The following ROBO2 variants were observed in gnomAD, a reference collection of about 807,000 sequenced individuals.
The protein encoded by ROBO2 is roundabout homolog 2.
Under a neutral mutation model 160.8 loss-of-function variants are expected in ROBO2, and 53 were observed. The observed-to-expected ratio is 0.33, with a 90% CI of 0.26 to 0.41. The LOEUF is 0.41. Among genes scored for constraint, ROBO2 ranks in the 10% least tolerant of loss-of-function variants. The pLI is 1.00. For missense variants in ROBO2, 1,577 were observed against 1,722.4 expected, an observed-to-expected ratio of 0.92 and a Z score of 1.49; for synonymous variants, 664 against 611.7, an observed-to-expected ratio of 1.09 and a Z score of -1.26.
At chr3:76,833,977 TTTTC>T (rs1188360843) in intron 2 of ROBO2, among the ~76,000 whole-genome samples, 13 of 109,230 alleles carry the variant, frequency 1.2e-4, no homozygotes, top group South Asian at 3.0e-4. Context: ...TTTCTCTTTC[TTTTC>T]TTTCTTTCTT....
At chr3:77,499,094 G>A (rs568088455) in intron 5 of ROBO2, among the ~76,000 whole-genome samples, 89 of 152,258 alleles carry the variant, frequency 5.8e-4, no homozygotes, top group Middle Eastern at 3.4e-3. Context: ...AATGACTGTG[G>A]GACCTTTTAA....
chr3:77,456,313 T>G (rs746362473), intron 2 of ROBO2, among the ~76,000 whole-genome samples: 1 of 152,220 alleles, frequency 6.6e-6, no homozygotes, highest in Middle Eastern at 3.2e-3. Flanking sequence ...ATTTATGTTT[T>G]GTTGGAGATA....
intron 2 of ROBO2, among the ~76,000 whole-genome samples, chr3:77,024,273 G>A (rs1168880547): frequency 6.6e-6 from 1 of 152,186 alleles, no homozygotes; most frequent in African/African-American, 2.4e-5. Context: ...GAGGACACAG[G>A]ATGGGTAAGT....
chr3:76,698,610 C>T (rs2092982794), intron 2 of ROBO2, among the ~76,000 whole-genome samples: 1 of 152,116 alleles, frequency 6.6e-6, no homozygotes, highest in African/African-American at 2.4e-5. Context: ...ACCATTTGAA[C>T]CCTGGTTGAA....
chr3:76,363,011 T>G (rs995244660), intron 2 of ROBO2, among the ~76,000 whole-genome samples: 4 of 152,098 alleles, frequency 2.6e-5, no homozygotes, highest in Non-Finnish European at 5.9e-5. Flanking sequence ...TTTTACAGCC[T>G]GCCATCTGAA....
intron 2 of ROBO2, among the ~76,000 whole-genome samples, chr3:76,516,636 TGAATTCTTTAAG>T (rs1050895311): frequency 6.7e-5 from 9 of 133,752 alleles, no homozygotes; most frequent in Non-Finnish European, 1.2e-4. Flanking sequence ...TCTAGGAAAA[TGAATTCTTTAAG>T]GAATCAAAAA....
intron 2 of ROBO2, among the ~76,000 whole-genome samples, chr3:77,323,691 C>G (rs914483154): frequency 6.6e-6 from 1 of 152,044 alleles, no homozygotes; most frequent in African/African-American, 2.4e-5. Context: ...AGATGAAACT[C>G]CTGAAAATGA....
intron 2 of ROBO2, among the ~76,000 whole-genome samples, chr3:76,130,523 C>G (rs774132760): frequency 6.6e-6 from 1 of 152,040 alleles, no homozygotes; most frequent in Non-Finnish European, 1.5e-5. Flanking sequence ...CGCATACACT[C>G]ACACACATAT....
At chr3:76,630,583 A>C (rs2089971415) in intron 2 of ROBO2, among the ~76,000 whole-genome samples, 1 of 152,156 alleles carries the variant, frequency 6.6e-6, no homozygotes, top group African/African-American at 2.4e-5. Context: ...GTTTCATTTA[A>C]GGTAGAAGTT....
intron 2 of ROBO2, among the ~76,000 whole-genome samples, chr3:77,207,572 T>A (rs114753556): frequency 6.6e-6 from 1 of 152,202 alleles, no homozygotes; most frequent in African/African-American, 2.4e-5. Flanking sequence ...CATTTTTAGA[T>A]AAAAGTTAAA....
rs557755531 is a variant in ROBO2 at position 77,429,708 on chromosome 3, G to A, written c.389-47706G>A. ...TCAGACCTAGAAAGTTGAAAAACAC[G>A]GTTGTGATCTTCCCTGTGATCACAA... is the stretch of plus-strand genomic sequence containing the variant. On this transcript the variant is annotated intron_variant, in intron 2 of 25. Transcript: ENST00000461745. Among the ~76,000 whole-genome samples the A allele has an allele frequency of 2.2e-4, 34 of 151,616 alleles. 1 individual carries two copies. In the South Asian group the frequency reaches 6.7e-3, roughly 30 times the overall value.
At chr3:75,944,975 C>T (rs555397926) in intron 2 of ROBO2, among the ~76,000 whole-genome samples, 3 of 152,232 alleles carry the variant, frequency 2.0e-5, no homozygotes, top group African/African-American at 7.2e-5. Context: ...AGTTTACGTA[C>T]CTCCTCCTAT....
At chr3:76,893,520 T>A (rs1471621277) in intron 2 of ROBO2, among the ~76,000 whole-genome samples, 1 of 151,428 alleles carries the variant, frequency 6.6e-6, no homozygotes, top group Non-Finnish European at 1.5e-5. Context: ...TTAGTTCATT[T>A]TTCTTTTTTC....
intron 2 of ROBO2, among the ~76,000 whole-genome samples, chr3:76,551,650 TTG>T (rs1324059464): frequency 6.6e-6 from 1 of 152,108 alleles, no homozygotes; most frequent in South Asian, 2.1e-4. Flanking sequence ...TCCTGGGGTT[TTG>T]TGACACCCTC....
At chr3:76,050,757 T>G (rs1189215011) in intron 2 of ROBO2, among the ~76,000 whole-genome samples, 1 of 152,208 alleles carries the variant, frequency 6.6e-6, no homozygotes, top group Non-Finnish European at 1.5e-5. Flanking sequence ...TATAAATGCC[T>G]TCTTCCCTCC....
chr3:77,626,097 A>G (rs2095018280), intron 23 of ROBO2, among the ~76,000 whole-genome samples: 1 of 152,170 alleles, frequency 6.6e-6, no homozygotes, highest in African/African-American at 2.4e-5. Flanking sequence ...TAATCTGAGG[A>G]ATAGGTATAT....
intron 2 of ROBO2, among the ~76,000 whole-genome samples, chr3:76,355,884 A>G (rs2075133194): frequency 6.6e-6 from 1 of 151,734 alleles, no homozygotes; most frequent in Non-Finnish European, 1.5e-5. Context: ...AGCTACAACA[A>G]AGCACACTTG....
chr3:75,986,601 T>C (rs1185307939), intron 2 of ROBO2, among the ~76,000 whole-genome samples: 1 of 151,708 alleles, frequency 6.6e-6, no homozygotes, highest in Non-Finnish European at 1.5e-5. Flanking sequence ...TGATGTCACA[T>C]CTCAGAAATC....
chr3:75,958,496 G>GA (rs1438222135), intron 2 of ROBO2, among the ~76,000 whole-genome samples: 1 of 151,648 alleles, frequency 6.6e-6, no homozygotes, highest in Admixed American at 6.6e-5. Flanking sequence ...GGCACTGTAA[G>GA]AAAAAATAAT....
Sources: gnomAD v4.1 joint callset for allele counts (sites outside exome capture counted in the v4.1 genomes callset) on GRCh38, gnomAD v4.1.1 for gene constraint, MANE v1.5 for transcripts, NCBI Gene and HGNC (gene_info 2026-07-23, HGNC 2026-07-21) for gene names.